Variants in WRNIP1 observed in about 807,000 individuals in gnomAD.
WRNIP1 encodes the protein ATPase WRNIP1.
A neutral mutation model predicts 56.1 loss-of-function variants in WRNIP1; 41 were observed. The ratio of observed to expected loss-of-function variants is 0.73; its 90% CI spans 0.57 to 0.95. WRNIP1 has a LOEUF of 0.95. Ranked by LOEUF, WRNIP1 falls within the 40% of genes least tolerant of loss-of-function variation. The pLI is 0.00. For missense variants in WRNIP1, 1,170 were observed against 939.4 expected, an observed-to-expected ratio of 1.25 and a Z score of -3.21; for synonymous variants, 547 against 398.1, an observed-to-expected ratio of 1.37 and a Z score of -4.45.
At chr6:2,780,427 G>T (rs889240566) in intron 4 of WRNIP1, among the ~76,000 whole-genome samples, 2 of 152,176 alleles carry the variant, frequency 1.3e-5, no homozygotes, top group Non-Finnish European at 2.9e-5. Context: ...TGACCTAGGG[G>T]GGCTGACCAA....
At chr6:2,767,149 G>T (rs1047484927) in intron 1 of WRNIP1, among the ~76,000 whole-genome samples, 2 of 152,172 alleles carry the variant, frequency 1.3e-5, no homozygotes, top group Non-Finnish European at 2.9e-5. Flanking sequence ...GTGTCCCTTC[G>T]TGAGGCGTTA....
chr6:2,766,582 C>T (rs1561906233), intron 1 of WRNIP1, 138 bp downstream of exon 1: 3 of 1,374,064 alleles, frequency 2.2e-6, no homozygotes, highest in Non-Finnish European at 2.8e-6. Flanking sequence ...TTGGGCTGGG[C>T]TGGGGCAGTG....
chr6:2,773,253 G>A, intron 3 of WRNIP1: 1 of 985,414 alleles, frequency 1.0e-6, no homozygotes, highest in Non-Finnish European at 1.2e-6. Flanking sequence ...GCTAGGCATT[G>A]GCTGAGGGTT....
At chr6:2,766,536 A>C (rs978194024) in intron 1 of WRNIP1, 92 bp downstream of exon 1, 1 of 1,411,168 alleles carries the variant, frequency 7.1e-7, no homozygotes, top group Non-Finnish European at 9.3e-7. Flanking sequence ...CCCTCGAAAG[A>C]AGCCGCCTGC....
intron 4 of WRNIP1, among the ~76,000 whole-genome samples, chr6:2,781,879 A>C (rs959695976): frequency 1.5e-4 from 23 of 152,174 alleles, no homozygotes; most frequent in African/African-American, 5.3e-4. Context: ...CAGATGAGAA[A>C]CCTGAGGCAC....
Position 2,765,908 on chromosome 6 carries a change from G to T in WRNIP1, c.286G>T (p.Gly96Cys). The change falls in exon 1 of 7, where the codon GGT (glycine) becomes TGT (cysteine). Residue 96 changes from glycine (G) to cysteine (C), a missense_variant. By Grantham distance (159) the Gly-to-Cys change is radical. Transcript: ENST00000380773. ...GGCAGCCGAGAGCAGCGAGGGCGAGGGTGAGGAGGGCGACGACGGCGGCGA... is the reference window on the plus strand; with the variant it reads ...GGCAGCCGAGAGCAGCGAGGGCGAGTGTGAGGAGGGCGACGACGGCGGCGA... Reference protein sequence around the residue: ...PTAAESSEGEGEEGDDGGETE... With the variant: ...PTAAESSEGECEEGDDGGETE... 6.9e-7 allele frequency: 1 copy of T among 1,455,414 alleles called. No homozygotes were observed. 90.2% of individuals were successfully genotyped at this position (1,455,414 alleles called of 1,614,324 possible).
intron 2 of WRNIP1, among the ~76,000 whole-genome samples, chr6:2,769,177 G>A (rs1765170919): frequency 6.6e-6 from 1 of 152,280 alleles, no homozygotes; most frequent in Non-Finnish European, 1.5e-5. Context: ...CTAAATACTA[G>A]GAGTCATTGT....
At chr6:2,775,610 CTAAG>C (rs1765413089) in intron 3 of WRNIP1, among the ~76,000 whole-genome samples, 1 of 152,198 alleles carries the variant, frequency 6.6e-6, no homozygotes, top group South Asian at 2.1e-4. Flanking sequence ...ATCCAGCTGT[CTAAG>C]TAGTATCCTC....
chr6:2,782,156 G>A (rs1257979974), intron 4 of WRNIP1, among the ~76,000 whole-genome samples: 2 of 152,250 alleles, frequency 1.3e-5, no homozygotes, highest in East Asian at 1.9e-4. Flanking sequence ...CTGCAGAGGA[G>A]CAGAGCGTAG....
chr6:2,766,564 G>A (rs1166378949), intron 1 of WRNIP1, 120 bp downstream of exon 1: 3 of 1,396,130 alleles, frequency 2.1e-6, no homozygotes, highest in Non-Finnish European at 2.8e-6. Flanking sequence ...GGATAAGGGG[G>A]TGCAGACTTG....
chr6:2,782,650 T>C lies in WRNIP1; in HGVS notation c.1487-756T>C, dbSNP rs114255200. ...GGACGATGGCCAGAGAATAGTGAAA[T>C]GTATGCAGGTGCCACTGCTTAGTTC... is the stretch of plus-strand genomic sequence containing the variant. On this transcript the variant is annotated intron_variant, in intron 4 of 6. Coordinates refer to ENST00000380773, the MANE Select transcript of WRNIP1 (RefSeq NM_020135.3). Among the ~76,000 whole-genome samples, 882 of 152,330 alleles carry C rather than the reference T, an allele frequency of 5.8e-3. 6 individuals are homozygous for C. Among genetic ancestry groups the C allele is most frequent in the African/African-American group, 0.02 (841 of 41,580 alleles).
intron 3 of WRNIP1, among the ~76,000 whole-genome samples, chr6:2,777,535 C>T (rs1364014636): frequency 1.3e-5 from 2 of 152,054 alleles, no homozygotes; most frequent in Admixed American, 1.3e-4. Context: ...AATGAGATGC[C>T]CAAGCAGTTT....
chr6:2,768,180 C>T (rs559159599), intron 1 of WRNIP1, among the ~76,000 whole-genome samples: 2 of 152,202 alleles, frequency 1.3e-5, no homozygotes, highest in Non-Finnish European at 2.9e-5. Flanking sequence ...CTACAGTCAT[C>T]TCAAATGCTA....
Position 2,785,357 on chromosome 6 carries a change from G to A in WRNIP1, c.*75G>A, listed in dbSNP as rs1358280934. On this transcript the variant is annotated 3_prime_UTR_variant, in exon 7 of 7. Transcript: ENST00000380773. ...AGAAAGAAAGTTAGTGGATTGCAAA[G>A]TTGGTTGCCTGGTGGAAGTTAGAAC... 9 of 1,546,668 alleles carry A rather than the reference G, an allele frequency of 5.8e-6. No individual in the cohort carries two copies. The East Asian group carries it at 2.0e-4, about 35-fold the overall frequency.
intron 2 of WRNIP1, 23 bp downstream of exon 2, chr6:2,768,905 T>C (rs1471828013): frequency 6.3e-7 from 1 of 1,588,396 alleles, no homozygotes; most frequent in South Asian, 1.1e-5. Context: ...CCTTCTACCT[T>C]TTGGTCGTTG....
Position 2,785,360 on chromosome 6 carries a change from G to C in WRNIP1, c.*78G>C. 1 of 1,537,958 alleles carries C rather than the reference G, an allele frequency of 6.5e-7. No homozygotes were observed. The highest frequency in any genetic ancestry group is 8.8e-7 in the Non-Finnish European group (1 of 1,139,784). ...AAGAAAGTTAGTGGATTGCAAAGTT[G>C]GTTGCCTGGTGGAAGTTAGAACAGA... On this transcript the variant is annotated 3_prime_UTR_variant, in exon 7 of 7. Transcript: ENST00000380773.
intron 1 of WRNIP1, 57 bp downstream of exon 1, chr6:2,766,501 G>A (rs1764999403): frequency 2.8e-6 from 4 of 1,445,174 alleles, no homozygotes; most frequent in Non-Finnish European, 9.2e-7. Context: ...GGATGCAGCT[G>A]ATGGTCGGAG....
intron 4 of WRNIP1, among the ~76,000 whole-genome samples, chr6:2,781,245 G>A (rs1416334478): frequency 6.6e-6 from 1 of 152,204 alleles, no homozygotes; most frequent in Non-Finnish European, 1.5e-5. Flanking sequence ...GGATCACCTT[G>A]TCTATAGCTT....
intron 3 of WRNIP1, 140 bp from the exon 4 acceptor site, chr6:2,779,123 C>T: frequency 1.2e-6 from 1 of 848,118 alleles, no homozygotes; most frequent in Non-Finnish European, 1.8e-6. Context: ...TGCTTAAGCA[C>T]ATTGACAAAG....
Sources: allele counts gnomAD v4.1 joint callset (sites outside exome capture counted in the v4.1 genomes callset), GRCh38; gene constraint gnomAD v4.1.1; transcripts MANE v1.5; gene names NCBI Gene and HGNC (gene_info 2026-07-23, HGNC 2026-07-21).